FTO: variants seen among roughly 807,000 people sequenced by gnomAD.
The protein encoded by FTO is alpha-ketoglutarate-dependent dioxygenase FTO.
FTO carries 47 observed loss-of-function variants against 63.9 expected under a neutral mutation model. That is an observed-to-expected ratio of 0.74 (90% CI 0.58 to 0.94). The LOEUF (loss-of-function observed/expected upper bound fraction) is 0.94. FTO is among the 40% of genes least tolerant of loss of function. The probability of loss-of-function intolerance (pLI) is 0.00; values close to 1 mark genes in which losing one functional copy is unlikely to be tolerated. For missense variants in FTO, 562 were observed against 618.1 expected (o/e 0.91, Z 0.96); for synonymous variants, 207 against 224.4 (o/e 0.92, Z 0.69).
At chr16:53,917,709 AGTGTGTGTGT>A (rs35549801) in intron 7 of FTO, among the ~76,000 whole-genome samples, 28 of 143,126 alleles carry the variant, frequency 2.0e-4, no homozygotes, top group South Asian at 2.3e-4. Flanking sequence ...AAATTGAGTG[AGTGTGTGTGT>A]GTGTGTGTGT....
intron 8 of FTO, among the ~76,000 whole-genome samples, chr16:53,977,667 T>C (rs2083459779): frequency 6.6e-6 from 1 of 152,208 alleles, no homozygotes; most frequent in Non-Finnish European, 1.5e-5. Flanking sequence ...TCCTATCTTC[T>C]TTATGGGGAG....
intron 6 of FTO, among the ~76,000 whole-genome samples, chr16:53,881,843 G>A (rs895820201): frequency 2.0e-5 from 3 of 152,100 alleles, no homozygotes; most frequent in African/African-American, 7.2e-5. Context: ...AGTATCATTA[G>A]CCAAAAGAAA....
chr16:53,857,076 T>G (rs2080022077), intron 4 of FTO, among the ~76,000 whole-genome samples: 3 of 152,228 alleles, frequency 2.0e-5, no homozygotes, highest in Non-Finnish European at 2.9e-5. Flanking sequence ...GGAAGTATTT[T>G]TTTTTTCTCC....
At chr16:53,999,850 C>T (rs924911968) in intron 8 of FTO, 87 of 152,334 alleles carry the variant, frequency 5.7e-4, no homozygotes, top group African/African-American at 2.0e-3. Context: ...AAAACCAGTA[C>T]AGTTGGTTCT....
chr16:53,832,472 G>C (rs2151791905), intron 3 of FTO, among the ~76,000 whole-genome samples: 1 of 152,128 alleles, frequency 6.6e-6, no homozygotes, highest in African/African-American at 2.4e-5. Context: ...TTCCCAGGCT[G>C]ATCTTGAAAT....
chr16:54,024,012 T>C (rs917068875), intron 8 of FTO, among the ~76,000 whole-genome samples: 4 of 152,218 alleles, frequency 2.6e-5, no homozygotes, highest in Non-Finnish European at 5.9e-5. Flanking sequence ...TTATATACTA[T>C]TTTGGGTTTA....
chr16:54,115,793 T>G lies in FTO; in HGVS notation c.*3878T>G, dbSNP rs1433961509. ...GAAGTAACTTGGTGAGATATTTTTATGCATTAGATCATCGCTCTATCTGGA... is the reference window on the plus strand; with the variant it reads ...GAAGTAACTTGGTGAGATATTTTTAGGCATTAGATCATCGCTCTATCTGGA... On this transcript the variant is annotated 3_prime_UTR_variant, in exon 9 of 9. Transcript: ENST00000471389. 6.6e-6 allele frequency: 1 copy of G among 152,222 alleles called. No individual in the cohort carries two copies. Among genetic ancestry groups the G allele is most frequent in the Non-Finnish European group, 1.5e-5 (1 of 68,072 alleles). 9.4% of individuals were successfully genotyped at this position (152,222 alleles called of 1,614,324 possible). A position where few individuals can be genotyped will look rare whatever the true frequency, so the allele number is the denominator to read the frequency against.
In FTO at chr16:54,112,494, T is replaced by C. The variant is rs1037729758; in HGVS notation, c.*579T>C. The C allele has an allele frequency of 6.5e-6, 1 of 153,328 alleles. No individual in the cohort carries two copies. The highest frequency in any genetic ancestry group is 6.4e-5 in the Admixed American group (1 of 15,504). The allele number at this position is 153,328 out of a possible 1,614,324, so 9.5% of individuals were successfully genotyped here. A position where few individuals can be genotyped will look rare whatever the true frequency, so the allele number is the denominator to read the frequency against. ...ACTGCTGTATTGGACGGTACAGATA[T>C]GGAACATTTTCATCATCGAAGAAAG... On this transcript the variant is annotated 3_prime_UTR_variant, in exon 9 of 9. Transcript: ENST00000471389.
chr16:54,074,907 AGAGAGAGAGAGTGTGT>A (rs1228693945), intron 8 of FTO, among the ~76,000 whole-genome samples: 24 of 118,922 alleles, frequency 2.0e-4, no homozygotes, highest in African/African-American at 6.8e-4. Flanking sequence ...AGAGAGAGAG[AGAGAGAGAGAGTGTGT>A]GTGTGTGTGT....
intron 8 of FTO, among the ~76,000 whole-genome samples, chr16:53,947,230 A>G (rs1736918466): frequency 6.6e-6 from 1 of 152,188 alleles, no homozygotes; most frequent in Non-Finnish European, 1.5e-5. Context: ...CTGTCAGACA[A>G]GTACCTTCTG....
At chr16:54,073,833 A>G (rs2085926161) in intron 8 of FTO, among the ~76,000 whole-genome samples, 2 of 152,316 alleles carry the variant, frequency 1.3e-5, no homozygotes, top group Non-Finnish European at 1.5e-5. Context: ...AAAAATTTAT[A>G]GAATACTCAT....
intron 8 of FTO, among the ~76,000 whole-genome samples, chr16:53,943,298 T>C (rs1182590608): frequency 6.6e-6 from 1 of 152,250 alleles, no homozygotes; most frequent in African/African-American, 2.4e-5. Flanking sequence ...CCATTGTTAC[T>C]GTCATTATTT....
At position 53,744,834 on chromosome 16, in the gene FTO, C is replaced by CCCT. The variant is rs1555626785; in HGVS notation, c.45+40606_45+40607insCTC. Among the ~76,000 whole-genome samples the CCCT allele has an allele frequency of 9.5e-3, 1,431 of 150,786 alleles. 26 individuals are homozygous for CCCT. Among genetic ancestry groups the CCCT allele is most frequent in the African/African-American group, 0.033 (1,350 of 40,866 alleles). On this transcript the variant is annotated intron_variant, in intron 1 of 8. Coordinates refer to ENST00000471389, the MANE Select transcript of FTO (RefSeq NM_001080432.3). ...CTCTAAGGACTTTTCTTCCCCCCCCCCATATATGAATCTCATTGTAGAGCT... is the reference window on the plus strand; with the variant it reads ...CTCTAAGGACTTTTCTTCCCCCCCCCCCTCATATATGAATCTCATTGTAGAGCT...
intron 1 of FTO, among the ~76,000 whole-genome samples, chr16:53,809,466 A>C (rs1016136261): frequency 6.6e-6 from 1 of 152,200 alleles, no homozygotes; most frequent in African/African-American, 2.4e-5. Context: ...TGTCTCAAGC[A>C]GATTATACAG....
chr16:53,992,742 G>T (rs1269651650), intron 8 of FTO: 1 of 152,104 alleles, frequency 6.6e-6, no homozygotes, highest in Non-Finnish European at 1.5e-5. Flanking sequence ...AGACTGGGCG[G>T]TTTATTCCCC....
intron 6 of FTO, among the ~76,000 whole-genome samples, chr16:53,888,238 C>T (rs1234959307): frequency 6.6e-6 from 1 of 151,796 alleles, no homozygotes; most frequent in East Asian, 1.9e-4. Context: ...GACTCTTGCT[C>T]TGTTGCCCAG....
chr16:54,110,632 G>A (rs1388647593), intron 8 of FTO, among the ~76,000 whole-genome samples: 1 of 152,206 alleles, frequency 6.6e-6, no homozygotes, highest in African/African-American at 2.4e-5. Context: ...TCTACCATCA[G>A]GCTTGGAAAT....
chr16:53,969,968 A>G (rs2083279774), intron 8 of FTO, among the ~76,000 whole-genome samples: 2 of 152,146 alleles, frequency 1.3e-5, no homozygotes, highest in Non-Finnish European at 1.5e-5. Context: ...CTTGCCACAG[A>G]CTAACTTCAA....
At chr16:53,716,737 G>T (rs1383428276) in intron 1 of FTO, among the ~76,000 whole-genome samples, 1 of 151,546 alleles carries the variant, frequency 6.6e-6, no homozygotes, top group Non-Finnish European at 1.5e-5. Context: ...ATTTCTTAAT[G>T]AAATTTTTTT....
Sources: gnomAD v4.1 joint callset for allele counts (sites outside exome capture counted in the v4.1 genomes callset) on GRCh38, gnomAD v4.1.1 for gene constraint, MANE v1.5 for transcripts, NCBI Gene and HGNC (gene_info 2026-07-23, HGNC 2026-07-21) for gene names.